Variants in DNAH2 observed in about 807,000 individuals in gnomAD.
DNAH2 encodes dynein axonemal heavy chain 2, also known as axonemal beta dynein heavy chain 2.
In DNAH2, 323 loss-of-function variants were observed where a neutral mutation model predicts 523.5. That is an observed-to-expected ratio of 0.62 (90% CI 0.56 to 0.68). The LOEUF is 0.68. DNAH2 is among the 30% of genes least tolerant of loss of function. The pLI, the probability that DNAH2 is intolerant of heterozygous loss-of-function variation, is 0.00. For missense variants in DNAH2, 4,907 were observed against 5,701.5 expected, an observed-to-expected ratio of 0.86 and a Z score of 4.49; for synonymous variants, 2,093 against 2,177.4, an observed-to-expected ratio of 0.96 and a Z score of 1.08.
intron 3 of DNAH2, among the ~76,000 whole-genome samples, chr17:7,724,011 G>T (rs992113498): frequency 6.6e-6 from 1 of 152,062 alleles, no homozygotes; most frequent in Admixed American, 6.6e-5. Flanking sequence ...TGTCCTAATT[G>T]GATACTAATT....
Position 7,782,827 on chromosome 17 carries a change from AGGTGTG to A in DNAH2, c.6129+1661_6129+1666del, listed in dbSNP as rs1407721265. Among the ~76,000 whole-genome samples the A allele has an allele frequency of 2.6e-5, 4 of 151,574 alleles. No homozygotes were observed. In the Admixed American group the frequency reaches 2.6e-4, roughly 10 times the overall value. On this transcript the variant is annotated intron_variant, in intron 39 of 85. Coordinates refer to ENST00000572933, the MANE Select transcript of DNAH2 (RefSeq NM_020877.5). Reference sequence around the variant, plus strand: ...TAAAAAAAAAAATAGCCACACATGGAGGTGTGCTCCTGTAGTCACAACTACTTTCTC... The same window carrying A: ...TAAAAAAAAAAATAGCCACACATGGACTCCTGTAGTCACAACTACTTTCTC...
At chr17:7,771,238 T>C (rs1473106962) in intron 27 of DNAH2, 92 bp from the exon 28 acceptor site, 1 of 1,558,456 alleles carries the variant, frequency 6.4e-7, no homozygotes, top group Non-Finnish European at 8.7e-7. Context: ...CTGTATCTTC[T>C]ACCCAACTGT....
rs367697727 is a variant in DNAH2 at position 7,794,385 on chromosome 17, C to T, written c.7674+27C>T. The stretch of plus-strand genomic sequence containing the variant: ...TGAGGACCTCATGGGGGCTGCAGGA[C>T]GAGGGGAGGGTAGGAGGTGAAACGT... On this transcript the variant is annotated intron_variant, in intron 49 of 85. Coordinates refer to ENST00000572933, the MANE Select transcript of DNAH2 (RefSeq NM_020877.5). 4.4e-5 allele frequency: 70 copies of T among 1,581,520 alleles called. No individual in the cohort carries two copies. In the African/African-American group the frequency reaches 5.9e-4, roughly 13 times the overall value.
chr17:7,737,408 C>T (rs1412433004), intron 8 of DNAH2, 150 bp downstream of exon 8: 24 of 868,104 alleles, frequency 2.8e-5, no homozygotes, highest in East Asian at 5.3e-5. Context: ...AGGCTTCTAC[C>T]GGCATGATCT....
At chr17:7,751,742 TC>T (rs1235746170) in intron 12 of DNAH2, among the ~76,000 whole-genome samples, 1 of 152,162 alleles carries the variant, frequency 6.6e-6, no homozygotes, top group African/African-American at 2.4e-5. Context: ...TCTTCTTTCT[TC>T]AGAGTTTTCC....
chr17:7,773,471 C>G (rs1340351472), intron 28 of DNAH2, among the ~76,000 whole-genome samples: 1 of 152,050 alleles, frequency 6.6e-6, no homozygotes, highest in Non-Finnish European at 1.5e-5. Flanking sequence ...ACAGTGTCCC[C>G]CCCACCCACT....
rs1203906229 is a variant in DNAH2, at chr17:7,786,117, C to G, written c.6130-7C>G. ...TCTTCTGCTTGCTGTGTTTTCCCTT[C>G]CCTCAGCTGCGGGAGACCGTTGAGC... is the stretch of plus-strand genomic sequence containing the variant. On this transcript the variant is annotated splice_region_variant and splice_polypyrimidine_tract_variant and intron_variant, in intron 39 of 85. Coordinates refer to ENST00000572933, the MANE Select transcript of DNAH2 (RefSeq NM_020877.5). The surrounding 1 kb of genome is among the most constrained non-coding windows in gnomAD (Gnocchi z 7.5). 2 of 1,613,720 alleles carry G rather than the reference C, an allele frequency of 1.2e-6. No homozygotes were observed. The highest frequency in any genetic ancestry group is 1.3e-5 in the African/African-American group (1 of 74,856).
rs1332379996 is a variant in DNAH2, at chr17:7,796,488, G to A, written c.7699G>A (p.Gly2567Ser). 2.5e-6 allele frequency: 4 copies of A among 1,613,612 alleles called. No homozygotes were observed. The highest frequency in any genetic ancestry group is 1.1e-5 in the South Asian group (1 of 91,060). Residue 2567 changes from glycine to serine, a missense_variant, in exon 50 of 86, where the codon GGC becomes AGC. Transcript: ENST00000572933. ...GAAGTCCCAGATCATCCGCATATTCGGCACCATGATCAATCAGAAGCTTCA... is the reference window on the plus strand; with the variant it reads ...GAAGTCCCAGATCATCCGCATATTCAGCACCATGATCAATCAGAAGCTTCA... The part of the protein sequence containing the change: ...PTKSQIIRIF[G>S]TMINQKLQDF...
At chr17:7,800,856 G>A (rs2077203079) in intron 56 of DNAH2, among the ~76,000 whole-genome samples, 1 of 145,586 alleles carries the variant, frequency 6.9e-6, no homozygotes, top group African/African-American at 2.5e-5. Flanking sequence ...GAGAGTGAAA[G>A]ACTCCGTCTC....
chr17:7,787,140 G>C, intron 42 of DNAH2, 107 bp downstream of exon 42: 1 of 1,412,840 alleles, frequency 7.1e-7, no homozygotes, highest in South Asian at 1.3e-5. Context: ...CAGGTTCTGT[G>C]GGAGAGAGCT....
rs1394658759 is a variant in DNAH2 at position 7,778,123 on chromosome 17, A to G, written c.5294A>G (p.Tyr1765Cys). The change falls in exon 34 of 86, where the codon TAT becomes TGT. Residue 1765 changes from tyrosine to cysteine, a missense_variant. Tyr to Cys is a radical substitution (Grantham distance 194, BLOSUM62 -2). Coordinates refer to ENST00000572933, the MANE Select transcript of DNAH2 (RefSeq NM_020877.5). ...VIRQTNTQFQ[Y>C]NYEYLGNSGR... ...CGCCAGACCAACACGCAATTTCAGT[A>G]TAATTATGAGTACTTGGGTAACTCG... 1.9e-6 allele frequency: 3 copies of G among 1,614,022 alleles called. No individual in the cohort carries two copies. The highest frequency in any genetic ancestry group is 1.7e-6 in the Non-Finnish European group (2 of 1,180,036).
Position 7,817,956 on chromosome 17 carries a change from T to C in DNAH2, c.10247T>C (p.Ile3416Thr), listed in dbSNP as rs200973493. Reference protein sequence around the residue: ...KNMEGGQGLKIIDLQMSDYLR... With the variant: ...KNMEGGQGLKTIDLQMSDYLR... Reference sequence around the variant, plus strand: ...CCCCTTGCTCTCTAGGGCCTGAAGATCATCGACCTGCAGATGAGCGATTAC... The same window carrying C: ...CCCCTTGCTCTCTAGGGCCTGAAGACCATCGACCTGCAGATGAGCGATTAC... Residue 3416 changes from isoleucine (I) to threonine (T), a missense_variant, in exon 68 of 86, where the codon ATC becomes ACC. Coordinates refer to ENST00000572933, the MANE Select transcript of DNAH2 (RefSeq NM_020877.5). 60 of 1,613,954 alleles carry C rather than the reference T, an allele frequency of 3.7e-5. No homozygotes were observed. The highest frequency in any genetic ancestry group is 2.1e-4 in the African/African-American group (16 of 74,936).
Position 7,758,481 on chromosome 17 carries a change from T to A in DNAH2, c.2052-14T>A. 6.2e-7 allele frequency: 1 copy of A among 1,608,108 alleles called. No individual in the cohort carries two copies. Among genetic ancestry groups the A allele is most frequent in the Non-Finnish European group, 8.5e-7 (1 of 1,176,922 alleles). On this transcript the variant is annotated splice_polypyrimidine_tract_variant and intron_variant, in intron 13 of 85. Coordinates refer to ENST00000572933, the MANE Select transcript of DNAH2 (RefSeq NM_020877.5). Reference sequence around the variant, plus strand: ...GCTTGTCCCCTCTGGATACCAGGCCTCTCTTATGCACAGGATTATTGCCAT... The same window carrying A: ...GCTTGTCCCCTCTGGATACCAGGCCACTCTTATGCACAGGATTATTGCCAT...
At position 7,798,053 on chromosome 17, in the gene DNAH2, T is replaced by G; in HGVS notation, c.8231-104T>G. 1.4e-6 allele frequency: 2 copies of G among 1,453,264 alleles called. No homozygotes were observed. The highest frequency in any genetic ancestry group is 1.8e-6 in the Non-Finnish European group (2 of 1,088,290). 90.0% of individuals were successfully genotyped at this position (1,453,264 alleles called of 1,614,324 possible). ...ACCAACTTCTTCTCATACCTCTTGG[T>G]TCCTCTGCTTCAGTTTCAGGGGCCC... On this transcript the variant is annotated intron_variant, in intron 53 of 85. Coordinates refer to ENST00000572933, the MANE Select transcript of DNAH2 (RefSeq NM_020877.5). The surrounding 1 kb of genome is among the most constrained non-coding windows in gnomAD (Gnocchi z 5.5).
chr17:7,746,285 C>T, intron 12 of DNAH2, among the ~76,000 whole-genome samples: 1 of 152,164 alleles, frequency 6.6e-6, no homozygotes, highest in Non-Finnish European at 1.5e-5. Flanking sequence ...CCTCTGCTGT[C>T]CCCTAGGGGA....
chr17:7,754,744 G>C lies in DNAH2; in HGVS notation c.1905-2347G>C. On this transcript the variant is annotated intron_variant, in intron 12 of 85. Coordinates refer to ENST00000572933, the MANE Select transcript of DNAH2 (RefSeq NM_020877.5). This position sits in a 1 kb window ranked among gnomAD's most constrained non-coding sequence, Gnocchi z 4.6. ...ATGGCCAAGGGGCTCAGGCTGTGCC[G>C]GCCCAAGGCCAAGGCCAAGGATCAA... The C allele has an allele frequency of 2.9e-6, 3 of 1,038,848 alleles. No homozygotes were observed. The highest frequency in any genetic ancestry group is 3.0e-6 in the Non-Finnish European group (2 of 674,486). The allele number at this position is 1,038,848 out of a possible 1,614,324, so 64.4% of individuals were successfully genotyped here.
intron 7 of DNAH2, among the ~76,000 whole-genome samples, chr17:7,735,651 CT>C (rs955330070): frequency 1.6e-4 from 25 of 152,160 alleles, no homozygotes; most frequent in African/African-American, 5.5e-4. Flanking sequence ...GTTGCCCAGG[CT>C]GGTCTCAAAC....
intron 77 of DNAH2, among the ~76,000 whole-genome samples, chr17:7,825,702 G>T (rs951373975): frequency 5.9e-5 from 9 of 152,192 alleles, no homozygotes; most frequent in Admixed American, 2.6e-4. Context: ...TTCACAAGTT[G>T]TTGGAGAAAT....
chr17:7,740,547 G>A lies in DNAH2; in HGVS notation c.1504G>A (p.Glu502Lys), dbSNP rs1486437654. 11 of 1,613,146 alleles carry A rather than the reference G, an allele frequency of 6.8e-6. No homozygotes were observed. The highest frequency in any genetic ancestry group is 2.2e-5 in the East Asian group (1 of 44,878). ...LDTFHRLASR[E>K]AIKRTYDKKA... is the part of the protein sequence containing the mutation. The stretch of plus-strand genomic sequence containing the variant: ...CACCTTCCACAGGCTTGCCTCCCGC[G>A]AGGTGCGGCTGCCCCGCGGCTTCCT... Residue 502 changes from glutamate to lysine, a missense_variant and splice_region_variant, in exon 10 of 86, where the codon GAG becomes AAG. Glu to Lys is a moderately conservative substitution (Grantham distance 56). This residue lies in a region of DNAH2 where 2,806 missense variants were observed against 3,190.8 expected (regional missense o/e 0.88). Coordinates refer to ENST00000572933, the MANE Select transcript of DNAH2 (RefSeq NM_020877.5).
Sources: allele counts gnomAD v4.1 joint callset (sites outside exome capture counted in the v4.1 genomes callset), GRCh38; gene constraint gnomAD v4.1.1; regional missense constraint gnomAD v4.1.1; non-coding constraint Gnocchi (gnomAD v3.1); transcripts MANE v1.5; gene names NCBI Gene and HGNC (gene_info 2026-07-23, HGNC 2026-07-21).